Variants in CTSB observed in about 807,000 individuals in gnomAD.
The protein encoded by CTSB is APP secretase.
Under a neutral mutation model 44.3 loss-of-function variants are expected in CTSB, and 57 were observed. The ratio of observed to expected loss-of-function variants is 1.29; its 90% CI spans 1.04 to 1.60. The LOEUF (loss-of-function observed/expected upper bound fraction) is 1.60. Among genes scored for constraint, CTSB ranks in the 40% most tolerant of loss-of-function variants. The pLI is 0.00. For missense variants in CTSB, 768 were observed against 443.0 expected, an observed-to-expected ratio of 1.73 and a Z score of -6.59; for synonymous variants, 320 against 168.0, an observed-to-expected ratio of 1.91 and a Z score of -7.00.
chr8:11,852,613 TG>T lies in CTSB; in HGVS notation c.208del (p.Gln70ArgfsTer9). Reference protein sequence around the residue: ...GTFLGGPKPPQRVMFTEDLKL... With the variant: ...GTFLGGPKPPXRVMFTEDLKL... ...GTGCAGAGGAGCAGGCACTCACCTC[TG>T]GGGTGGCTTGGGCCCACCCAGGAAG... On this transcript the variant is annotated frameshift_variant, in exon 3 of 10. Transcript: ENST00000353047. LOFTEE classifies it high-confidence loss of function. 1 of 1,613,016 alleles carries T rather than the reference TG, an allele frequency of 6.2e-7. No individual in the cohort carries two copies. The highest frequency in any genetic ancestry group is 8.5e-7 in the Non-Finnish European group (1 of 1,179,414).
In CTSB at chr8:11,843,579, TA is replaced by T. The variant is rs1812657291; in HGVS notation, c.*1545del. ...AAACCAGTGGCATACAAATTCAAAA[TA>T]CTGTATACAGGCCCTGACTCCAGCC... is the stretch of plus-strand genomic sequence containing the variant. On this transcript the variant is annotated 3_prime_UTR_variant, in exon 10 of 10. Coordinates refer to ENST00000353047, the MANE Select transcript of CTSB (RefSeq NM_001908.5). 1.3e-5 allele frequency: 2 copies of T among 152,246 alleles called. No individual in the cohort carries two copies. The highest frequency in any genetic ancestry group is 4.8e-5 in the African/African-American group (2 of 41,454). The allele number at this position is 152,246 out of a possible 1,614,324, so 9.4% of individuals were successfully genotyped here. A position where few individuals can be genotyped will look rare whatever the true frequency, so the allele number is the denominator to read the frequency against.
intron 4 of CTSB, among the ~76,000 whole-genome samples, chr8:11,850,419 C>CAAAAAAAAAAAAAAA (rs61067792): frequency 7.4e-5 from 4 of 53,720 alleles, no homozygotes; most frequent in African/African-American, 1.6e-4. Flanking sequence ...ACTCCATCTC[C>CAAAAAAAAAAAAAAA]AAAAAAAAAA....
chr8:11,862,206 C>CAAAAAAA (rs573172612), intron 1 of CTSB: 1 of 88,458 alleles, frequency 1.1e-5, no homozygotes, highest in African/African-American at 4.4e-5. Context: ...GACTCCATCT[C>CAAAAAAA]AAAAAAAAAA....
rs1459763988 is a variant in CTSB, at chr8:11,849,170, G to A, written c.328-6C>T. 4 of 1,610,550 alleles carry A rather than the reference G, an allele frequency of 2.5e-6. No homozygotes were observed. Among genetic ancestry groups the A allele is most frequent in the South Asian group, 2.2e-5 (2 of 90,960 alleles). ...GCTTCCACAGCCCCGAAGGCCTGCA[G>A]GAACGAGCCCCACCGGGTGAGGCTG... On this transcript the variant is annotated splice_region_variant and splice_polypyrimidine_tract_variant and intron_variant, in intron 4 of 9. Coordinates refer to ENST00000353047, the MANE Select transcript of CTSB (RefSeq NM_001908.5).
At chr8:11,851,376 G>C (rs28617271) in intron 3 of CTSB, among the ~76,000 whole-genome samples, 2 of 151,984 alleles carry the variant, frequency 1.3e-5, no homozygotes, top group African/African-American at 4.8e-5. Context: ...TTTTAGTAAA[G>C]ACAGGGTTTC....
At chr8:11,855,717 A>C (rs1418086853) in intron 1 of CTSB, among the ~76,000 whole-genome samples, 2 of 152,150 alleles carry the variant, frequency 1.3e-5, no homozygotes, top group African/African-American at 4.8e-5. Flanking sequence ...CAAATGGCCA[A>C]CACAGATAAA....
rs371316552 is a variant in CTSB, at chr8:11,853,375, G to A, written c.80C>T (p.Ser27Leu). ...ARSRPSFHPL[S>L]DELVNYVNKR... ...GTTGACATAGTTGACCAGCTCATCCGACAGGGGATGGAAAGAGGGCCTGCT... is the reference window on the plus strand; with the variant it reads ...GTTGACATAGTTGACCAGCTCATCCAACAGGGGATGGAAAGAGGGCCTGCT... Residue 27 changes from serine (S) to leucine (L), a missense_variant, in exon 2 of 10, where the codon TCG (serine) becomes TTG (leucine). Physicochemically the swap from Ser to Leu is moderately radical, Grantham distance 145. Coordinates refer to ENST00000353047, the MANE Select transcript of CTSB (RefSeq NM_001908.5). 87 of 1,613,014 alleles carry A rather than the reference G, an allele frequency of 5.4e-5. No individual in the cohort carries two copies. Among genetic ancestry groups the A allele is most frequent in the South Asian group, 2.5e-4 (23 of 91,000 alleles).
chr8:11,867,774 C>T (rs1293310), intron 1 of CTSB: 42,255 of 152,006 alleles, frequency 0.28, 6,413 homozygotes, highest in East Asian at 0.47. Context: ...GCGGGCGGAG[C>T]TGTTTTCTGC....
rs2150459414 is a variant in CTSB, at chr8:11,865,293, C to G, written c.-26+2708G>C. On this transcript the variant is annotated intron_variant, in intron 1 of 9. Coordinates refer to ENST00000353047, the MANE Select transcript of CTSB (RefSeq NM_001908.5). ...GGCGCAGTGGCTCATACCTGTAATCCCAGCGCTTTGGGAGGCCGAGGTGGG... is the reference window on the plus strand; with the variant it reads ...GGCGCAGTGGCTCATACCTGTAATCGCAGCGCTTTGGGAGGCCGAGGTGGG... 2.0e-5 allele frequency among the ~76,000 whole-genome samples: 3 copies of G among 152,262 alleles called. No homozygotes were observed. In the Middle Eastern group the frequency reaches 0.01, roughly 518 times the overall value.
intron 7 of CTSB, among the ~76,000 whole-genome samples, chr8:11,847,422 G>A (rs1813608871): frequency 6.6e-6 from 1 of 152,214 alleles, no homozygotes; most frequent in South Asian, 2.1e-4. Context: ...AAGACTCCAG[G>A]ACACGCCACT....
chr8:11,848,789 A>C, intron 5 of CTSB: 1 of 395,154 alleles, frequency 2.5e-6, no homozygotes, highest in African/African-American at 2.0e-5. Context: ...GGGGCCAGAC[A>C]TTCCACCACA....
rs1379801028 is a variant in CTSB at position 11,853,365 on chromosome 8, C to T, written c.90G>A (p.Leu30=). ...RPSFHPLSDE[L]VNYVNKRNTT... ...TATTCCGTTTGTTGACATAGTTGAC[C>T]AGCTCATCCGACAGGGGATGGAAAG... is the stretch of plus-strand genomic sequence containing the variant. The change falls in exon 2 of 10, where the codon CTG becomes CTA. Residue 30 remains leucine, a synonymous_variant. Coordinates refer to ENST00000353047, the MANE Select transcript of CTSB (RefSeq NM_001908.5). The T allele has an allele frequency of 6.2e-7, 1 of 1,613,276 alleles. No individual in the cohort carries two copies. The highest frequency in any genetic ancestry group is 1.7e-5 in the Admixed American group (1 of 59,862).
chr8:11,858,646 T>C (rs1418482218), intron 1 of CTSB, among the ~76,000 whole-genome samples: 1 of 152,138 alleles, frequency 6.6e-6, no homozygotes, highest in East Asian at 1.9e-4. Flanking sequence ...ATGCTTCCAC[T>C]CTTGAGGGTC....
chr8:11,857,314 G>C (rs774739119), intron 1 of CTSB, among the ~76,000 whole-genome samples: 60 of 152,116 alleles, frequency 3.9e-4, no homozygotes, highest in Admixed American at 3.9e-4. Context: ...CACTGGACCT[G>C]GCCCCTAGTG....
chr8:11,860,570 G>C (rs1816264713), intron 1 of CTSB, among the ~76,000 whole-genome samples: 1 of 152,184 alleles, frequency 6.6e-6, no homozygotes, highest in Non-Finnish European at 1.5e-5. Flanking sequence ...GCTGCAGTGG[G>C]CTGAGATCGC....
intron 8 of CTSB, chr8:11,846,418 G>GT (rs1265516263): frequency 3.3e-5 from 5 of 152,330 alleles, no homozygotes; most frequent in Admixed American, 6.5e-5. Context: ...TCAAACTGTT[G>GT]TTTTACAAGT....
In CTSB at chr8:11,853,358, A is replaced by G. The variant is rs770370292; in HGVS notation, c.97T>C (p.Tyr33His). Residue 33 changes from tyrosine to histidine, a missense_variant, in exon 2 of 10, where the codon TAT (tyrosine) becomes CAT (histidine). Coordinates refer to ENST00000353047, the MANE Select transcript of CTSB (RefSeq NM_001908.5). ...FHPLSDELVN[Y>H]VNKRNTTWQA... ...CACGTGGTATTCCGTTTGTTGACAT[A>G]GTTGACCAGCTCATCCGACAGGGGA... is the stretch of plus-strand genomic sequence containing the variant. 2 of 1,613,284 alleles carry G rather than the reference A, an allele frequency of 1.2e-6. No individual in the cohort carries two copies. The highest frequency in any genetic ancestry group is 1.1e-5 in the South Asian group (1 of 91,020).
chr8:11,853,131 T>A lies in CTSB; in HGVS notation c.126+198A>T, dbSNP rs534538305. 5.3e-5 allele frequency among the ~76,000 whole-genome samples: 8 copies of A among 151,692 alleles called. No homozygotes were observed. In the South Asian group the frequency reaches 1.0e-3, roughly 20 times the overall value. ...TATATTCATACACATGCACACACAC[T>A]CATGCACACACGTGGGGTATGGGAC... On this transcript the variant is annotated intron_variant, in intron 2 of 9. Coordinates refer to ENST00000353047, the MANE Select transcript of CTSB (RefSeq NM_001908.5).
At chr8:11,850,624 C>G (rs1814413340) in intron 4 of CTSB, 1 of 351,538 alleles carries the variant, frequency 2.8e-6, no homozygotes, top group East Asian at 4.5e-5. Context: ...GGAAAGGGAG[C>G]TGCTTCGCCA....
Sources: allele counts gnomAD v4.1 joint callset (sites outside exome capture counted in the v4.1 genomes callset), GRCh38; gene constraint gnomAD v4.1.1; transcripts MANE v1.5; gene names NCBI Gene and HGNC (gene_info 2026-07-23, HGNC 2026-07-21).